The following KLF8 variants were observed in gnomAD, a reference collection of about 807,000 sequenced individuals.
The protein encoded by KLF8 is Krueppel-like factor 8.
Under a neutral mutation model 18.2 loss-of-function variants are expected in KLF8, and 10 were observed. That is an observed-to-expected ratio of 0.55 (90% confidence interval 0.34 to 0.93). The LOEUF (loss-of-function observed/expected upper bound fraction) is 0.93. Ranked by LOEUF, KLF8 falls within the 40% of genes least tolerant of loss-of-function variation. The pLI is 0.02. For missense variants in KLF8, 264 were observed against 277.9 expected, an observed-to-expected ratio of 0.95 and a Z score of 0.36; for synonymous variants, 109 against 97.3, an observed-to-expected ratio of 1.12 and a Z score of -0.71.
the KLF8 span, among the ~76,000 whole-genome samples, chrX:56,187,987 C>A: frequency 3.3e-4 from 37 of 111,649 alleles, no homozygotes; most frequent in African/African-American, 1.1e-3. Flanking sequence ...CCTCTCTCAC[C>A]ACTCCTATTC....
chrX:55,982,352 G>A, the KLF8 span, among the ~76,000 whole-genome samples: 1 of 111,619 alleles, frequency 9.0e-6, no homozygotes, highest in Admixed American at 9.5e-5. Context: ...AGAGCTTTCT[G>A]TAGTCAGGCT....
chrX:56,013,108 G>A, the KLF8 span, among the ~76,000 whole-genome samples: 4 of 112,573 alleles, frequency 3.6e-5, no homozygotes, highest in Non-Finnish European at 7.5e-5. Context: ...AATGGGGAAA[G>A]GATTCCTGCC....
the KLF8 span, among the ~76,000 whole-genome samples, chrX:56,162,891 C>T: frequency 8.9e-6 from 1 of 111,788 alleles, no homozygotes; most frequent in Non-Finnish European, 1.9e-5. Flanking sequence ...GCACCTGTTC[C>T]TAATCGGCCA....
the KLF8 span, among the ~76,000 whole-genome samples, chrX:56,155,901 C>T: frequency 2.7e-5 from 3 of 111,562 alleles, no homozygotes; most frequent in African/African-American, 6.5e-5. Flanking sequence ...TAAGTGAGAA[C>T]ATGTGGTGTT....
the KLF8 span, among the ~76,000 whole-genome samples, chrX:56,066,491 C>T: frequency 8.9e-5 from 10 of 112,082 alleles, no homozygotes; most frequent in East Asian, 1.4e-3. Context: ...GGTGAGGTTG[C>T]TTGCATTGGC....
the KLF8 span, among the ~76,000 whole-genome samples, chrX:56,178,794 A>C: frequency 8.9e-6 from 1 of 111,893 alleles, no homozygotes; most frequent in Non-Finnish European, 1.9e-5. Flanking sequence ...AGATGGTTGT[A>C]GATGTGTGGC....
At chrX:55,984,808 G>A in the KLF8 span, among the ~76,000 whole-genome samples, 3 of 109,657 alleles carry the variant, frequency 2.7e-5, no homozygotes, top group South Asian at 4.0e-4. Context: ...ACTTTTAATC[G>A]CCATTCTGAC....
the KLF8 span, among the ~76,000 whole-genome samples, chrX:56,040,982 A>T: frequency 1.0e-5 from 1 of 97,651 alleles, no homozygotes; most frequent in Non-Finnish European, 2.0e-5. Context: ...TTCCTGGTTC[A>T]GTCTTGAGAG....
At chrX:56,236,220 C>G (rs961714135) in intron 1 of KLF8, among the ~76,000 whole-genome samples, 1 of 111,904 alleles carries the variant, frequency 8.9e-6, no homozygotes, top group Non-Finnish European at 1.9e-5. Flanking sequence ...ATTCCTCATT[C>G]AAGACTCTTC....
At chrX:55,931,343 T>G in the KLF8 span, among the ~76,000 whole-genome samples, 7 of 112,150 alleles carry the variant, frequency 6.2e-5, no homozygotes, top group Non-Finnish European at 1.3e-4. Context: ...TTCATTTTTT[T>G]GAAGGGTTTT....
the KLF8 span, among the ~76,000 whole-genome samples, chrX:55,987,924 T>A: frequency 3.6e-5 from 4 of 112,179 alleles, no homozygotes; most frequent in Non-Finnish European, 7.5e-5. Flanking sequence ...CCCATTGTGG[T>A]TTTGATTTGC....
At chrX:55,990,886 C>T in the KLF8 span, among the ~76,000 whole-genome samples, 5 of 111,327 alleles carry the variant, frequency 4.5e-5, no homozygotes, top group Admixed American at 9.5e-5. Context: ...AGTACCCAGC[C>T]GTATGAGGTG....
At chrX:55,967,872 G>C in the KLF8 span, among the ~76,000 whole-genome samples, 1 of 111,460 alleles carries the variant, frequency 9.0e-6, no homozygotes, top group African/African-American at 3.3e-5. Flanking sequence ...TTTAAAAGTG[G>C]GGAGATGAAG....
the KLF8 span, among the ~76,000 whole-genome samples, chrX:55,966,751 G>T: frequency 9.0e-6 from 1 of 111,448 alleles, no homozygotes; most frequent in Non-Finnish European, 1.9e-5. Flanking sequence ...AGACCATCCA[G>T]GAAAACATGC....
intron 1 of KLF8, among the ~76,000 whole-genome samples, chrX:56,248,648 TC>T (rs2147601436): frequency 9.0e-6 from 1 of 111,681 alleles, no homozygotes; most frequent in South Asian, 3.8e-4. Flanking sequence ...TACGCATGGT[TC>T]TGGCAGCAAC....
chrX:56,250,466 T>C (rs774015415), intron 2 of KLF8, among the ~76,000 whole-genome samples, 162 bp downstream of exon 2: 1 of 111,474 alleles, frequency 9.0e-6, no homozygotes, highest in African/African-American at 3.3e-5. Flanking sequence ...AATGCCTTGG[T>C]TTCATAGTCA....
At chrX:56,057,107 G>T in the KLF8 span, among the ~76,000 whole-genome samples, 4 of 111,960 alleles carry the variant, frequency 3.6e-5, no homozygotes, top group South Asian at 3.7e-4. Context: ...GGGCCAAGGG[G>T]TCCTTTTTTG....
chrX:56,216,208 T>C, the KLF8 span, among the ~76,000 whole-genome samples: 1 of 110,594 alleles, frequency 9.0e-6, no homozygotes, highest in Non-Finnish European at 1.9e-5. Flanking sequence ...GCTGAAGTCC[T>C]GCACCAGCCT....
chrX:55,936,662 C>T, the KLF8 span, among the ~76,000 whole-genome samples: 1 of 112,560 alleles, frequency 8.9e-6, no homozygotes, highest in African/African-American at 3.2e-5. Flanking sequence ...CCTGGAAAAT[C>T]GGGTCACTCC....
Sources: gnomAD v4.1 joint callset for allele counts (sites outside exome capture counted in the v4.1 genomes callset) on GRCh38, gnomAD v4.1.1 for gene constraint, MANE v1.5 for transcripts, NCBI Gene and HGNC (gene_info 2026-07-23, HGNC 2026-07-21) for gene names.